The following GRM8 variants were observed in gnomAD, a reference collection of about 807,000 sequenced individuals.
The protein encoded by GRM8 is glutamate metabotropic receptor 8.
GRM8 carries 47 observed loss-of-function variants against 87.2 expected under a neutral mutation model. That is an observed-to-expected ratio of 0.54 (90% CI 0.43 to 0.69). GRM8 has a LOEUF of 0.69. Ranked by LOEUF, GRM8 falls within the 30% of genes least tolerant of loss-of-function variation. The probability of loss-of-function intolerance (pLI) is 0.00; values close to 1 mark genes in which losing one functional copy is unlikely to be tolerated. For missense variants in GRM8, 1,019 were observed against 1,139.2 expected (o/e 0.89, Z 1.52); for synonymous variants, 396 against 404.5 (o/e 0.98, Z 0.25).
At chr7:126,629,528 A>C (rs894777143) in intron 7 of GRM8, among the ~76,000 whole-genome samples, 1 of 152,128 alleles carries the variant, frequency 6.6e-6, no homozygotes, top group Non-Finnish European at 1.5e-5. Flanking sequence ...ATATTTTCTT[A>C]ATGTTTGCAG....
intron 3 of GRM8, among the ~76,000 whole-genome samples, chr7:126,939,244 G>A (rs1806648133): frequency 6.6e-6 from 1 of 152,122 alleles, no homozygotes; most frequent in African/African-American, 2.4e-5. Context: ...TGATACCTTA[G>A]CATGAAAAGC....
chr7:127,202,355 T>C (rs560052092), intron 2 of GRM8, among the ~76,000 whole-genome samples: 1 of 152,236 alleles, frequency 6.6e-6, no homozygotes, highest in African/African-American at 2.4e-5. Flanking sequence ...TTTCTGTATT[T>C]TTAGTAGAAA....
At chr7:127,218,595 G>A (rs901065054) in intron 2 of GRM8, among the ~76,000 whole-genome samples, 9 of 152,216 alleles carry the variant, frequency 5.9e-5, no homozygotes, top group African/African-American at 2.2e-4. Context: ...CTGGTGCATA[G>A]TGAGCGTCAG....
intron 2 of GRM8, among the ~76,000 whole-genome samples, chr7:127,185,952 G>A (rs989857683): frequency 1.2e-4 from 19 of 152,280 alleles, no homozygotes; most frequent in African/African-American, 3.9e-4. Flanking sequence ...TTAATAGTGT[G>A]CACTGATTTG....
At chr7:126,746,273 A>G (rs1406476099) in intron 7 of GRM8, among the ~76,000 whole-genome samples, 1 of 151,734 alleles carries the variant, frequency 6.6e-6, no homozygotes, top group Non-Finnish European at 1.5e-5. Context: ...TAGTACTCAT[A>G]TTACTGAAAT....
chr7:126,746,552 A>C (rs1038914996), intron 7 of GRM8, among the ~76,000 whole-genome samples: 1 of 151,788 alleles, frequency 6.6e-6, no homozygotes, highest in Non-Finnish European at 1.5e-5. Flanking sequence ...AAACGCATTC[A>C]CCAGTTTTAC....
intron 3 of GRM8, among the ~76,000 whole-genome samples, chr7:127,098,829 C>A (rs954266594): frequency 6.6e-6 from 1 of 152,104 alleles, no homozygotes; most frequent in Non-Finnish European, 1.5e-5. Flanking sequence ...ATTCTGCCCC[C>A]TGTAATGTAT....
intron 8 of GRM8, among the ~76,000 whole-genome samples, chr7:126,608,363 G>T (rs1258737123): frequency 6.6e-6 from 1 of 152,066 alleles, no homozygotes; most frequent in Non-Finnish European, 1.5e-5. Context: ...CCATCCCCAC[G>T]TGCTAACCCC....
intron 8 of GRM8, among the ~76,000 whole-genome samples, chr7:126,574,473 T>G (rs1257325970): frequency 6.6e-6 from 1 of 152,190 alleles, no homozygotes; most frequent in Non-Finnish European, 1.5e-5. Flanking sequence ...AAACCATGTA[T>G]TCATCATAAC....
intron 7 of GRM8, among the ~76,000 whole-genome samples, chr7:126,711,098 C>T (rs1199631187): frequency 6.6e-6 from 1 of 152,158 alleles, no homozygotes; most frequent in African/African-American, 2.4e-5. Flanking sequence ...TCGCTTGAAC[C>T]CAGGAGGTGG....
chr7:126,607,850 C>T (rs7790862), intron 8 of GRM8, among the ~76,000 whole-genome samples: 6 of 121,316 alleles, frequency 4.9e-5, no homozygotes, highest in Admixed American at 1.8e-4. Flanking sequence ...CCTCCCCCCT[C>T]CCCCCACCCC....
intron 3 of GRM8, among the ~76,000 whole-genome samples, chr7:126,993,318 G>T (rs1812857756): frequency 1.3e-5 from 2 of 152,112 alleles, no homozygotes; most frequent in East Asian, 1.9e-4. Flanking sequence ...ACAAAATGTG[G>T]TATATACATA....
chr7:126,609,437 G>T lies in GRM8; in HGVS notation c.1419C>A (p.Ile473=), dbSNP rs1798689367. The T allele has an allele frequency of 1.9e-6, 3 of 1,610,712 alleles. No individual in the cohort carries two copies. The highest frequency in any genetic ancestry group is 2.7e-5 in the African/African-American group (2 of 74,880). Residue 473 remains isoleucine (I), a synonymous_variant, in exon 8 of 11, where the codon ATC becomes ATA. Coordinates refer to ENST00000339582, the MANE Select transcript of GRM8 (RefSeq NM_000845.3). The part of the protein sequence containing the change: ...ENGDAPGRYD[I]FQYQITNKST... Reference sequence around the variant, plus strand: ...TTTTGTTGGTTATTTGATACTGGAAGATATCATAACGTCCAGGAGCATCTC... The same window carrying T: ...TTTTGTTGGTTATTTGATACTGGAATATATCATAACGTCCAGGAGCATCTC...
At chr7:127,118,846 C>G (rs931309344) in intron 2 of GRM8, among the ~76,000 whole-genome samples, 2 of 152,198 alleles carry the variant, frequency 1.3e-5, no homozygotes, top group Non-Finnish European at 2.9e-5. Flanking sequence ...CTGTTCACAT[C>G]TACAACTCCT....
intron 3 of GRM8, among the ~76,000 whole-genome samples, chr7:126,969,124 C>T (rs987295203): frequency 3.3e-5 from 5 of 152,162 alleles, no homozygotes; most frequent in African/African-American, 1.2e-4. Context: ...TCTGAACCTT[C>T]AGAAAAGCAT....
intron 9 of GRM8, among the ~76,000 whole-genome samples, chr7:126,457,872 T>C (rs1803433775): frequency 6.7e-6 from 1 of 150,168 alleles, no homozygotes; most frequent in Non-Finnish European, 1.5e-5. Flanking sequence ...TTGGAAAGAC[T>C]GTAAAATTAA....
chr7:127,105,009 T>G (rs1825679197), intron 3 of GRM8, among the ~76,000 whole-genome samples: 1 of 152,172 alleles, frequency 6.6e-6, no homozygotes, highest in African/African-American at 2.4e-5. Context: ...AGGATCACTG[T>G]GGAAAACTTA....
chr7:126,982,940 A>G (rs1811683989), intron 3 of GRM8, among the ~76,000 whole-genome samples: 2 of 152,274 alleles, frequency 1.3e-5, no homozygotes, highest in East Asian at 3.9e-4. Flanking sequence ...GGGCATGGTA[A>G]TACTAAGAGA....
At chr7:126,795,198 AACTGAT>A (rs1271327856) in intron 6 of GRM8, among the ~76,000 whole-genome samples, 1 of 152,128 alleles carries the variant, frequency 6.6e-6, no homozygotes, top group Non-Finnish European at 1.5e-5. Context: ...GATTGAAAAC[AACTGAT>A]ACTAAACCTA....
Sources: allele counts gnomAD v4.1 joint callset (sites outside exome capture counted in the v4.1 genomes callset), GRCh38; gene constraint gnomAD v4.1.1; transcripts MANE v1.5; gene names NCBI Gene and HGNC (gene_info 2026-07-23, HGNC 2026-07-21).